PYGL: variants seen among roughly 807,000 people sequenced by gnomAD.
PYGL encodes glycogen phosphorylase, liver form.
Under a neutral mutation model 100.1 loss-of-function variants are expected in PYGL, and 90 were observed. The observed-to-expected ratio is 0.90, with a 90% confidence interval of 0.76 to 1.07. PYGL has a LOEUF of 1.07. Among genes scored for constraint, PYGL ranks in the 50% least tolerant of loss-of-function variants. PYGL has a pLI of 0.00. For missense variants in PYGL, 1,016 were observed against 1,057.6 expected (o/e 0.96, Z 0.55); for synonymous variants, 373 against 393.0 (o/e 0.95, Z 0.60).
In PYGL at chr14:50,908,969, G is replaced by A. The variant is rs2142786817; in HGVS notation, c.2178-14C>T. ...TTTGCCTCGTACCTGTGGGGTAGGG[G>A]TGGGTGGGTGATAAAAAAAGGCTCT... On this transcript the variant is annotated splice_polypyrimidine_tract_variant and intron_variant, in intron 17 of 19. Coordinates refer to ENST00000216392, the MANE Select transcript of PYGL (RefSeq NM_002863.5). The A allele has an allele frequency of 1.3e-6, 2 of 1,549,808 alleles. No individual in the cohort carries two copies. The highest frequency in any genetic ancestry group is 1.8e-6 in the Non-Finnish European group (2 of 1,136,518).
chr14:50,932,842 G>A (rs1272358835), intron 3 of PYGL, among the ~76,000 whole-genome samples: 1 of 152,158 alleles, frequency 6.6e-6, no homozygotes, highest in Non-Finnish European at 1.5e-5. Flanking sequence ...ATTAAAAGCT[G>A]TAGATCAAAC....
chr14:50,931,551 C>A (rs1219039475), intron 4 of PYGL, 122 bp downstream of exon 4: 22 of 917,898 alleles, frequency 2.4e-5, no homozygotes, highest in Non-Finnish European at 3.6e-5. Context: ...CTCACTGATA[C>A]CAACCAAATG....
intron 4 of PYGL, among the ~76,000 whole-genome samples, chr14:50,931,334 T>C (rs1356064922): frequency 6.6e-6 from 1 of 152,222 alleles, no homozygotes; most frequent in East Asian, 1.9e-4. Context: ...GAGTCAAAGA[T>C]GTGCTCCTCC....
Position 50,924,106 on chromosome 14 carries a change from A to G in PYGL, c.529-6T>C. The G allele has an allele frequency of 6.2e-7, 1 of 1,613,258 alleles. No individual in the cohort carries two copies. ...CAATCATCTGCTTCTTCTACCTGCA[A>G]AAGGATACAGTATTGCTTAGAATTT... is the stretch of plus-strand genomic sequence containing the variant. On this transcript the variant is annotated splice_polypyrimidine_tract_variant and splice_region_variant and intron_variant, in intron 4 of 19. Coordinates refer to ENST00000216392, the MANE Select transcript of PYGL (RefSeq NM_002863.5).
chr14:50,909,807 A>T, intron 17 of PYGL, 88 bp downstream of exon 17: 1 of 1,428,988 alleles, frequency 7.0e-7, no homozygotes, highest in Non-Finnish European at 9.9e-7. Flanking sequence ...TCAGTGGGAT[A>T]TCGGTGTGGG....
intron 4 of PYGL, among the ~76,000 whole-genome samples, chr14:50,924,509 G>T (rs2050529651): frequency 6.6e-6 from 1 of 152,060 alleles, no homozygotes; most frequent in Admixed American, 6.5e-5. Flanking sequence ...TTTATCGTTG[G>T]ATACCTGGGC....
At chr14:50,910,932 T>C (rs958043713) in intron 16 of PYGL, among the ~76,000 whole-genome samples, 1 of 152,260 alleles carries the variant, frequency 6.6e-6, no homozygotes, top group Admixed American at 6.5e-5. Context: ...ACTTTTCTGC[T>C]TTACTGTGAG....
chr14:50,943,855 G>C (rs541550578), intron 1 of PYGL, among the ~76,000 whole-genome samples: 1 of 152,252 alleles, frequency 6.6e-6, no homozygotes. Flanking sequence ...AAAAGTTTGT[G>C]AAGTGGACAG....
intron 7 of PYGL, among the ~76,000 whole-genome samples, chr14:50,918,583 C>T (rs978244663): frequency 6.6e-6 from 1 of 152,136 alleles, no homozygotes; most frequent in African/African-American, 2.4e-5. Context: ...GAATGGAAAA[C>T]CGAATATCGT....
At chr14:50,908,140 T>C (rs948821980) in intron 19 of PYGL, 131 bp downstream of exon 19, 1 of 546,446 alleles carries the variant, frequency 1.8e-6, no homozygotes, top group African/African-American at 2.7e-5. Flanking sequence ...GTTTTTGTTG[T>C]TTTTTTTTTG....
intron 16 of PYGL, 125 bp downstream of exon 16, chr14:50,911,605 C>T (rs1460176981): frequency 7.7e-7 from 1 of 1,290,926 alleles, no homozygotes; most frequent in Non-Finnish European, 1.1e-6. Flanking sequence ...GGCCCTTATT[C>T]TGCACAAGAG....
At chr14:50,919,228 T>G (rs1277295951) in intron 7 of PYGL, among the ~76,000 whole-genome samples, 2 of 152,238 alleles carry the variant, frequency 1.3e-5, no homozygotes, top group African/African-American at 4.8e-5. Context: ...AGACTGGGTT[T>G]AGGTTGGCAG....
At chr14:50,931,274 AC>A (rs5808583) in intron 4 of PYGL, among the ~76,000 whole-genome samples, 25,171 of 152,142 alleles carry the variant, frequency 0.17, 2,741 homozygotes, top group East Asian at 0.45. Flanking sequence ...GTTCTCACCT[AC>A]AAAATGGCAA....
chr14:50,927,789 A>G (rs886193824), intron 4 of PYGL, among the ~76,000 whole-genome samples: 2 of 152,216 alleles, frequency 1.3e-5, no homozygotes, highest in African/African-American at 4.8e-5. Flanking sequence ...ACCTGAGTAG[A>G]TCTGAGGAGG....
At chr14:50,920,216 T>C (rs2050487856) in intron 7 of PYGL, among the ~76,000 whole-genome samples, 1 of 152,324 alleles carries the variant, frequency 6.6e-6, no homozygotes, top group African/African-American at 2.4e-5. Context: ...ATAAAATTTC[T>C]ATCTGGAAAG....
chr14:50,928,105 A>G (rs2050569517), intron 4 of PYGL, among the ~76,000 whole-genome samples: 1 of 152,202 alleles, frequency 6.6e-6, no homozygotes, highest in Admixed American at 6.5e-5. Flanking sequence ...ACCTGGGTGC[A>G]GGTGGCAGCT....
intron 1 of PYGL, among the ~76,000 whole-genome samples, chr14:50,942,603 T>C (rs2050710664): frequency 1.4e-5 from 2 of 139,834 alleles, no homozygotes; most frequent in African/African-American, 4.9e-5. Flanking sequence ...AGGAGGATCA[T>C]TTGAGGCCAG....
chr14:50,930,204 A>C (rs1467337474), intron 4 of PYGL, among the ~76,000 whole-genome samples: 2 of 152,304 alleles, frequency 1.3e-5, no homozygotes, highest in East Asian at 3.9e-4. Flanking sequence ...TCTTAGGCAA[A>C]ATTAGCATTT....
At chr14:50,939,617 C>A (rs796226737) in intron 1 of PYGL, among the ~76,000 whole-genome samples, 4 of 151,842 alleles carry the variant, frequency 2.6e-5, no homozygotes, top group African/African-American at 4.8e-5. Flanking sequence ...ACTTCATTGC[C>A]CCCTTTTACA....
Sources: gnomAD v4.1 joint callset for allele counts (sites outside exome capture counted in the v4.1 genomes callset) on GRCh38, gnomAD v4.1.1 for gene constraint, MANE v1.5 for transcripts, NCBI Gene and HGNC (gene_info 2026-07-23, HGNC 2026-07-21) for gene names.